Variants in EPHA5 observed in about 807,000 individuals in gnomAD.
EPHA5 encodes ephrin type-A receptor 5.
In EPHA5, 60 loss-of-function variants were observed where a neutral mutation model predicts 105.0. That is an observed-to-expected ratio of 0.57 (90% CI 0.46 to 0.71). EPHA5 has a LOEUF of 0.71. Among genes scored for constraint, EPHA5 ranks in the 30% least tolerant of loss-of-function variants. The pLI is 0.00. For synonymous variants in EPHA5, 513 were observed against 449.1 expected, an observed-to-expected ratio of 1.14 and a Z score of -1.80; for missense variants, 1,218 against 1,274.7, an observed-to-expected ratio of 0.96 and a Z score of 0.68.
At chr4:65,422,097 C>T (rs1434456652) in intron 5 of EPHA5, among the ~76,000 whole-genome samples, 1 of 152,102 alleles carries the variant, frequency 6.6e-6, no homozygotes, top group African/African-American at 2.4e-5. Context: ...CTTTCAAACA[C>T]TTAGTTAACA....
intron 14 of EPHA5, among the ~76,000 whole-genome samples, chr4:65,345,842 G>T (rs944903753): frequency 6.6e-6 from 1 of 151,522 alleles, no homozygotes; most frequent in East Asian, 1.9e-4. Context: ...GCGCAATCTC[G>T]GCTCACTGCA....
At chr4:65,570,801 C>G (rs1740054519) in intron 3 of EPHA5, among the ~76,000 whole-genome samples, 1 of 151,866 alleles carries the variant, frequency 6.6e-6, no homozygotes, top group Non-Finnish European at 1.5e-5. Context: ...ACAATAGTTT[C>G]TCCATTTAAA....
At chr4:65,596,681 A>AGCACACAC (rs112783438) in intron 3 of EPHA5, among the ~76,000 whole-genome samples, 18 of 150,474 alleles carry the variant, frequency 1.2e-4, no homozygotes, top group African/African-American at 4.4e-4. Flanking sequence ...ACAAAAGCAG[A>AGCACACAC]ACACACACAC....
At chr4:65,623,690 T>C (rs1745897851) in intron 2 of EPHA5, among the ~76,000 whole-genome samples, 1 of 152,066 alleles carries the variant, frequency 6.6e-6, no homozygotes, top group South Asian at 2.1e-4. Context: ...CTGGAGTCAG[T>C]GACTTCATAA....
chr4:65,477,975 A>G (rs1729992719), intron 5 of EPHA5, among the ~76,000 whole-genome samples: 1 of 152,140 alleles, frequency 6.6e-6, no homozygotes, highest in South Asian at 2.1e-4. Flanking sequence ...CAAAATATGA[A>G]TTTTGATGAC....
At chr4:65,424,252 C>A (rs1034690726) in intron 5 of EPHA5, among the ~76,000 whole-genome samples, 1 of 152,048 alleles carries the variant, frequency 6.6e-6, no homozygotes, top group Non-Finnish European at 1.5e-5. Flanking sequence ...ATCCTGTCAT[C>A]AGTTGTATAA....
At chr4:65,525,916 C>T (rs1735184271) in intron 3 of EPHA5, among the ~76,000 whole-genome samples, 1 of 151,738 alleles carries the variant, frequency 6.6e-6, no homozygotes, top group Non-Finnish European at 1.5e-5. Context: ...GTCTCAGGCG[C>T]TGATTATAAA....
At chr4:65,359,019 T>G (rs1723570980) in intron 11 of EPHA5, among the ~76,000 whole-genome samples, 1 of 151,622 alleles carries the variant, frequency 6.6e-6, no homozygotes, top group Admixed American at 6.6e-5. Flanking sequence ...ATGGAGAATC[T>G]AAAAATGATC....
chr4:65,372,050 ACT>A (rs936327482), intron 8 of EPHA5, among the ~76,000 whole-genome samples: 1 of 151,836 alleles, frequency 6.6e-6, no homozygotes, highest in African/African-American at 2.4e-5. Flanking sequence ...AAAAATAAAC[ACT>A]CTTAATTTAG....
intron 3 of EPHA5, among the ~76,000 whole-genome samples, chr4:65,519,017 G>C (rs191993111): frequency 2.0e-5 from 3 of 151,938 alleles, no homozygotes; most frequent in African/African-American, 2.4e-5. Context: ...AACCAAAAAA[G>C]AGAATTTTAG....
intron 7 of EPHA5, among the ~76,000 whole-genome samples, chr4:65,407,386 G>A (rs1722465355): frequency 6.6e-6 from 1 of 152,104 alleles, no homozygotes; most frequent in South Asian, 2.1e-4. Context: ...TTTTGGTAGT[G>A]TCAAATTCTT....
At chr4:65,599,769 TA>T (rs1169205464) in intron 3 of EPHA5, among the ~76,000 whole-genome samples, 1 of 152,214 alleles carries the variant, frequency 6.6e-6, no homozygotes, top group Non-Finnish European at 1.5e-5. Context: ...ATTAAGGTTC[TA>T]CTTTTCAATT....
At chr4:65,662,571 G>T (rs1452708098) in intron 1 of EPHA5, among the ~76,000 whole-genome samples, 1 of 151,594 alleles carries the variant, frequency 6.6e-6, no homozygotes, top group Non-Finnish European at 1.5e-5. Flanking sequence ...AGAAATAGAA[G>T]GAAAAAACAA....
chr4:65,527,205 C>T (rs528645204), intron 3 of EPHA5, among the ~76,000 whole-genome samples: 10 of 152,132 alleles, frequency 6.6e-5, no homozygotes, highest in Admixed American at 5.9e-4. Context: ...TATTAAAATG[C>T]TTATTGTGTT....
chr4:65,423,109 C>A (rs952525894), intron 5 of EPHA5, among the ~76,000 whole-genome samples: 1 of 151,962 alleles, frequency 6.6e-6, no homozygotes, highest in Non-Finnish European at 1.5e-5. Context: ...GACCTTGACA[C>A]TTTTGGAGCA....
At chr4:65,424,619 T>C (rs1233062079) in intron 5 of EPHA5, among the ~76,000 whole-genome samples, 1 of 152,036 alleles carries the variant, frequency 6.6e-6, no homozygotes, top group Non-Finnish European at 1.5e-5. Context: ...TTTCCACAAT[T>C]CTTTAACTGT....
At chr4:65,470,110 T>G (rs1560573705) in intron 5 of EPHA5, among the ~76,000 whole-genome samples, 2 of 152,088 alleles carry the variant, frequency 1.3e-5, no homozygotes, top group Non-Finnish European at 2.9e-5. Context: ...TATAATAAAG[T>G]TAATACAATG....
At position 65,335,970 on chromosome 4, in the gene EPHA5, G is replaced by T; in HGVS notation, c.2751C>A (p.Asn917Lys). 1 of 1,612,602 alleles carries T rather than the reference G, an allele frequency of 6.2e-7. No homozygotes were observed. Among genetic ancestry groups the T allele is most frequent in the Middle Eastern group, 1.7e-4 (1 of 6,054 alleles). The part of the protein sequence containing the change: ...IVNMLDKLIR[N>K]PSSLKTLVNA... Reference sequence around the variant, plus strand: ...TAACCAGCGTCTTCAGACTACTTGGGTTACGTATCAGCTTGTCCAACATGT... The same window carrying T: ...TAACCAGCGTCTTCAGACTACTTGGTTTACGTATCAGCTTGTCCAACATGT... The change falls in exon 15 of 17, where the codon AAC (asparagine) becomes AAA (lysine). Residue 917 changes from asparagine to lysine, a missense_variant. This residue lies in a region of EPHA5 where 971 missense variants were observed against 1,013.5 expected (regional missense o/e 0.96). Coordinates refer to ENST00000613740, the MANE Select transcript of EPHA5 (RefSeq NM_001281766.3).
intron 11 of EPHA5, among the ~76,000 whole-genome samples, chr4:65,355,705 A>G (rs1343727016): frequency 6.6e-6 from 1 of 151,616 alleles, no homozygotes; most frequent in Non-Finnish European, 1.5e-5. Flanking sequence ...ATATTAAGGC[A>G]TTATCCCATC....
Sources: gnomAD v4.1 joint callset for allele counts (sites outside exome capture counted in the v4.1 genomes callset) on GRCh38, gnomAD v4.1.1 for gene constraint, gnomAD v4.1.1 regional missense constraint, MANE v1.5 for transcripts, NCBI Gene and HGNC (gene_info 2026-07-23, HGNC 2026-07-21) for gene names.